The following ACSF2 variants were observed in gnomAD, a reference collection of about 807,000 sequenced individuals.
ACSF2 encodes the protein medium-chain acyl-CoA ligase ACSF2, mitochondrial.
ACSF2 carries 52 observed loss-of-function variants against 79.3 expected under a neutral mutation model. That is an observed-to-expected ratio of 0.66 (90% CI 0.53 to 0.83). The LOEUF is 0.83. Among genes scored for constraint, ACSF2 ranks in the 40% least tolerant of loss-of-function variants. The pLI is 0.00. For synonymous variants in ACSF2, 283 were observed against 312.6 expected, an observed-to-expected ratio of 0.91 and a Z score of 1.00; for missense variants, 661 against 803.3, an observed-to-expected ratio of 0.82 and a Z score of 2.14.
In ACSF2 at chr17:50,474,122, C is replaced by A; in HGVS notation, c.1729-77C>A. The A allele has an allele frequency of 6.3e-7, 1 of 1,597,808 alleles. No individual in the cohort carries two copies. Among genetic ancestry groups the A allele is most frequent in the Non-Finnish European group, 8.6e-7 (1 of 1,166,184 alleles). On this transcript the variant is annotated intron_variant, in intron 14 of 15. Coordinates refer to ENST00000300441, the MANE Select transcript of ACSF2 (RefSeq NM_025149.6). This position sits in a 1 kb window ranked among gnomAD's most constrained non-coding sequence, Gnocchi z 4.2. ...TTGACGAAGCTGACTCCTGGCCAGG[C>A]CAGCCCCTGGTCCCCTACCCATACC... is the stretch of plus-strand genomic sequence containing the variant.
chr17:50,441,175 G>T (rs955849418), intron 1 of ACSF2, among the ~76,000 whole-genome samples: 1 of 152,220 alleles, frequency 6.6e-6, no homozygotes, highest in African/African-American at 2.4e-5. Flanking sequence ...TCCTTAAAAA[G>T]AAATGATCTG....
chr17:50,439,523 C>G (rs2030724128), intron 1 of ACSF2, among the ~76,000 whole-genome samples: 1 of 152,150 alleles, frequency 6.6e-6, no homozygotes, highest in Non-Finnish European at 1.5e-5. Flanking sequence ...TGCTGTATAG[C>G]AGTCCATGCT....
At position 50,473,678 on chromosome 17, in the gene ACSF2, A is replaced by G. The variant is rs746127117; in HGVS notation, c.1489A>G (p.Met497Val). 3.7e-6 allele frequency: 6 copies of G among 1,614,218 alleles called. No homozygotes were observed. In the South Asian group the frequency reaches 5.5e-5, roughly 15 times the overall value. ...CTTTCCTTACAGAGATGTCGCCACA[A>G]TGAATGAGCAGGGCTTCTGCAAGAT... ...KWYWTGDVAT[M>V]NEQGFCKIVG... The change falls in exon 13 of 16, where the codon ATG becomes GTG. Residue 497 changes from methionine (M) to valine (V), a missense_variant. Coordinates refer to ENST00000300441, the MANE Select transcript of ACSF2 (RefSeq NM_025149.6).
At chr17:50,457,492 C>T (rs2032084572) in intron 1 of ACSF2, among the ~76,000 whole-genome samples, 1 of 152,082 alleles carries the variant, frequency 6.6e-6, no homozygotes, top group African/African-American at 2.4e-5. Context: ...CCTGAGGGCC[C>T]ACAGATTTCA....
At chr17:50,432,101 A>G (rs150097280) in intron 1 of ACSF2, among the ~76,000 whole-genome samples, 12,705 of 151,900 alleles carry the variant, frequency 0.084, 732 homozygotes, top group Middle Eastern at 0.14. Context: ...GTGTTTTGCC[A>G]TGTTGCCCAG....
chr17:50,426,432 C>A, intron 1 of ACSF2, 43 bp downstream of exon 1: 1 of 1,282,328 alleles, frequency 7.8e-7, no homozygotes, highest in Non-Finnish European at 9.9e-7. Context: ...GGCAGTTCCC[C>A]GGGAGAGGAA....
chr17:50,432,392 A>T (rs933266691), intron 1 of ACSF2, among the ~76,000 whole-genome samples: 3 of 152,182 alleles, frequency 2.0e-5, no homozygotes, highest in Non-Finnish European at 4.4e-5. Context: ...TCTTACAGTG[A>T]CCCCAAGGCC....
intron 1 of ACSF2, among the ~76,000 whole-genome samples, chr17:50,435,504 G>T (rs1457879045): frequency 6.6e-6 from 1 of 151,504 alleles, no homozygotes; most frequent in Non-Finnish European, 1.5e-5. Context: ...TCAACCTCCT[G>T]GGCTCAAGTG....
At chr17:50,433,111 CTTT>C (rs35016953) in intron 1 of ACSF2, among the ~76,000 whole-genome samples, 2 of 143,940 alleles carry the variant, frequency 1.4e-5, no homozygotes, top group Non-Finnish European at 1.5e-5. Flanking sequence ...TTTTCTTTTT[CTTT>C]TTTTTTTTTT....
intron 1 of ACSF2, among the ~76,000 whole-genome samples, chr17:50,450,891 G>T (rs1181118431): frequency 6.6e-6 from 1 of 152,142 alleles, no homozygotes; most frequent in African/African-American, 2.4e-5. Context: ...TCCGCCTTTT[G>T]GGTATTGTGA....
At chr17:50,432,401 C>T (rs1052095686) in intron 1 of ACSF2, among the ~76,000 whole-genome samples, 16 of 152,146 alleles carry the variant, frequency 1.1e-4, no homozygotes, top group East Asian at 3.8e-4. Flanking sequence ...GACCCCAAGG[C>T]CCACAGTATA....
intron 3 of ACSF2, 89 bp from the exon 4 acceptor site, chr17:50,461,544 T>C (rs2032325984): frequency 1.2e-6 from 2 of 1,601,160 alleles, no homozygotes; most frequent in Non-Finnish European, 1.7e-6. Context: ...GGCTGTAGAG[T>C]GCTGCCTCTA....
Position 50,473,959 on chromosome 17 carries a change from G to A in ACSF2, c.1683G>A (p.Gly561=), listed in dbSNP as rs1344029517. ...EICACIRLKD[G]EETTVEEIKA... is the part of the protein sequence containing the mutation. ...GTGCCTGCATTCGGCTGAAGGACGG[G>A]GAGGAGACCACGGTGGAGGAGATAA... is the stretch of plus-strand genomic sequence containing the variant. The change falls in exon 14 of 16, where the codon GGG becomes GGA. Residue 561 remains glycine, a synonymous_variant. Transcript: ENST00000300441. The A allele has an allele frequency of 1.9e-6, 3 of 1,549,304 alleles. No individual in the cohort carries two copies. Among genetic ancestry groups the A allele is most frequent in the Admixed American group, 3.9e-5 (2 of 51,488 alleles).
At position 50,426,405 on chromosome 17, in the gene ACSF2, G is replaced by A. The variant is rs976066205; in HGVS notation, c.128+16G>A. The A allele has an allele frequency of 3.0e-6, 4 of 1,311,548 alleles. No homozygotes were observed. Among genetic ancestry groups the A allele is most frequent in the Non-Finnish European group, 3.9e-6 (4 of 1,023,224 alleles). The allele number at this position is 1,311,548 out of a possible 1,614,324, so 81.2% of individuals were successfully genotyped here. A position where few individuals can be genotyped will look rare whatever the true frequency, so the allele number is the denominator to read the frequency against. On this transcript the variant is annotated intron_variant, in intron 1 of 15. Transcript: ENST00000300441. ...GCTTCCTCAGGTACTGGCCCCCCGC[G>A]GGAAGAGAGGGGGCGGGGCAGTTCC...
In ACSF2 at chr17:50,460,595, C is replaced by A. The variant is rs928685221; in HGVS notation, c.129-82C>A. ...TAACACATTGTCAGCAGCCTACCCC[C>A]TGGCTTGGCTGGGTGTGCCATGCCC... On this transcript the variant is annotated intron_variant, in intron 1 of 15. Transcript: ENST00000300441. The A allele has an allele frequency of 7.6e-6, 10 of 1,316,654 alleles. No individual in the cohort carries two copies. In the Admixed American group the frequency reaches 2.0e-4, roughly 26 times the overall value. The allele number at this position is 1,316,654 out of a possible 1,614,324, so 81.6% of individuals were successfully genotyped here.
chr17:50,439,412 T>C (rs2030714488), intron 1 of ACSF2, among the ~76,000 whole-genome samples: 1 of 152,106 alleles, frequency 6.6e-6, no homozygotes, highest in South Asian at 2.1e-4. Context: ...AATAGTATCA[T>C]AGTTCTTTTC....
chr17:50,461,176 G>A, intron 2 of ACSF2, 66 bp from the exon 3 acceptor site: 1 of 1,608,260 alleles, frequency 6.2e-7, no homozygotes, highest in Non-Finnish European at 8.5e-7. Context: ...AAGGGCTGAG[G>A]GTGGGAGTCT....
chr17:50,467,221 CAGG>C (rs1396749799), intron 10 of ACSF2, among the ~76,000 whole-genome samples: 1 of 152,232 alleles, frequency 6.6e-6, no homozygotes, highest in Non-Finnish European at 1.5e-5. Context: ...AGGATGCAGA[CAGG>C]AGATGGGTCT....
chr17:50,473,306 T>G, intron 12 of ACSF2: 1 of 214,470 alleles, frequency 4.7e-6, no homozygotes, highest in Non-Finnish European at 9.4e-6. Flanking sequence ...GAAAATGAAA[T>G]AGGGTTATAG....
Sources: gnomAD v4.1 joint callset for allele counts (sites outside exome capture counted in the v4.1 genomes callset) on GRCh38, gnomAD v4.1.1 for gene constraint, Gnocchi (gnomAD v3.1) non-coding constraint, MANE v1.5 for transcripts, NCBI Gene and HGNC (gene_info 2026-07-23, HGNC 2026-07-21) for gene names.